Variants in SOX6 observed in about 807,000 individuals in gnomAD.
SOX6 encodes the protein SRY-box transcription factor 6, also known as transcription factor SOX-6.
In SOX6, 11 loss-of-function variants were observed where a neutral mutation model predicts 97.8. That is an observed-to-expected ratio of 0.11 (90% CI 0.07 to 0.19). The LOEUF (loss-of-function observed/expected upper bound fraction) is 0.19. Among genes scored for constraint, SOX6 ranks in the 10% least tolerant of loss-of-function variants. SOX6 has a pLI of 1.00. For missense variants in SOX6, 810 were observed against 1,039.5 expected, an observed-to-expected ratio of 0.78 and a Z score of 3.04; for synonymous variants, 360 against 371.4, an observed-to-expected ratio of 0.97 and a Z score of 0.35.
At chr11:16,125,860 AAG>A (rs1321509487) in intron 6 of SOX6, among the ~76,000 whole-genome samples, 3 of 151,468 alleles carry the variant, frequency 2.0e-5, no homozygotes, top group African/African-American at 7.3e-5. Flanking sequence ...GGAAGGAAGG[AAG>A]GAAGGAAGGA....
At chr11:16,294,025 A>G (rs1011493083) in intron 3 of SOX6, among the ~76,000 whole-genome samples, 4 of 152,108 alleles carry the variant, frequency 2.6e-5, no homozygotes, top group African/African-American at 9.7e-5. Context: ...ATCAATTAAA[A>G]AAAAAGCTCC....
intron 3 of SOX6, among the ~76,000 whole-genome samples, chr11:16,250,537 A>G (rs1397561587): frequency 1.3e-5 from 2 of 152,180 alleles, no homozygotes; most frequent in Admixed American, 1.3e-4. Flanking sequence ...AAGTGGGGTT[A>G]TATCATGTAA....
intron 6 of SOX6, among the ~76,000 whole-genome samples, chr11:16,182,658 G>C (rs2134100205): frequency 6.6e-6 from 1 of 151,926 alleles, no homozygotes; most frequent in South Asian, 2.1e-4. Flanking sequence ...ATGTGTACTT[G>C]AATATGGAAT....
At chr11:16,365,522 T>C (rs1394401954) in intron 1 of SOX6, among the ~76,000 whole-genome samples, 1 of 152,094 alleles carries the variant, frequency 6.6e-6, no homozygotes, top group Non-Finnish European at 1.5e-5. Context: ...AATTAGATGT[T>C]AATTAACCAG....
chr11:16,317,889 C>A, intron 3 of SOX6: 1 of 432,068 alleles, frequency 2.3e-6, no homozygotes, highest in Non-Finnish European at 4.6e-6. Flanking sequence ...TGAGTGAACT[C>A]TTGTACAGAG....
intron 4 of SOX6, chr11:16,612,000 C>G (rs1848403977): frequency 6.6e-6 from 1 of 152,646 alleles, no homozygotes; most frequent in Admixed American, 6.5e-5. Context: ...AAATGCGCTT[C>G]TGCTGTCTAA....
At chr11:16,104,057 T>C (rs894139262) in intron 7 of SOX6, among the ~76,000 whole-genome samples, 1 of 151,956 alleles carries the variant, frequency 6.6e-6, no homozygotes, top group South Asian at 2.1e-4. Context: ...TCATCAATGA[T>C]ATAGCCTCCA....
At chr11:16,345,604 T>C (rs1856756058) in intron 1 of SOX6, among the ~76,000 whole-genome samples, 1 of 152,090 alleles carries the variant, frequency 6.6e-6, no homozygotes, top group African/African-American at 2.4e-5. Context: ...ACAGTAAATT[T>C]ATTTTCTGTT....
At chr11:16,213,372 G>A (rs1561259) in intron 4 of SOX6, among the ~76,000 whole-genome samples, 1 of 151,756 alleles carries the variant, frequency 6.6e-6, no homozygotes, top group African/African-American at 2.4e-5. Flanking sequence ...TCTGTCTGCC[G>A]CACCCTGTCT....
At position 15,968,359 on chromosome 11, in the gene SOX6, T is replaced by G. The variant is rs1235178521; in HGVS notation, c.*4450A>C. 3 of 152,228 alleles carry G rather than the reference T, an allele frequency of 2.0e-5. No individual in the cohort carries two copies. The highest frequency in any genetic ancestry group is 7.2e-5 in the African/African-American group (3 of 41,470). The allele number at this position is 152,228 out of a possible 1,614,324, so 9.4% of individuals were successfully genotyped here. A position where few individuals can be genotyped will look rare whatever the true frequency, so the allele number is the denominator to read the frequency against. ...AATACATTCCTCTAGCTGCATTTCTTTGCAGTTGTTGGCACTTGGTACAGG... is the reference window on the plus strand; with the variant it reads ...AATACATTCCTCTAGCTGCATTTCTGTGCAGTTGTTGGCACTTGGTACAGG... On this transcript the variant is annotated 3_prime_UTR_variant, in exon 16 of 16. Coordinates refer to ENST00000683767, the MANE Select transcript of SOX6 (RefSeq NM_001367873.1).
chr11:16,095,259 C>G (rs1297883069), intron 9 of SOX6, among the ~76,000 whole-genome samples: 1 of 151,532 alleles, frequency 6.6e-6, no homozygotes, highest in South Asian at 2.1e-4. Flanking sequence ...CCCGGTGAGG[C>G]AGAAAAGGAA....
chr11:16,125,223 T>A (rs1031507274), intron 6 of SOX6, among the ~76,000 whole-genome samples: 3 of 152,082 alleles, frequency 2.0e-5, no homozygotes, highest in African/African-American at 7.2e-5. Flanking sequence ...GATACATTAC[T>A]GTGATTCTTT....
At chr11:16,377,690 A>T (rs542473903) in intron 1 of SOX6, among the ~76,000 whole-genome samples, 2 of 152,304 alleles carry the variant, frequency 1.3e-5, no homozygotes, top group South Asian at 4.1e-4. Flanking sequence ...GGAGAATAAC[A>T]TTTCCATTGA....
At position 15,984,679 on chromosome 11, in the gene SOX6, T is replaced by C. The variant is rs145961389; in HGVS notation, c.2183+1525A>G. Among the ~76,000 whole-genome samples the C allele has an allele frequency of 8.1e-4, 124 of 152,324 alleles. No homozygotes were observed. In the Middle Eastern group the frequency reaches 0.014, roughly 17 times the overall value. On this transcript the variant is annotated intron_variant, in intron 15 of 15. Transcript: ENST00000683767. ...AATACAGAGGAATTTGATAATCCTA[T>C]TTTGTCATGTCTTCATTTATTAACA...
At chr11:16,517,405 G>A (rs903669037) in intron 4 of SOX6, among the ~76,000 whole-genome samples, 12 of 151,942 alleles carry the variant, frequency 7.9e-5, no homozygotes, top group East Asian at 1.9e-4. Context: ...GTTTGCAGAC[G>A]ACATGATTGT....
intron 3 of SOX6, among the ~76,000 whole-genome samples, chr11:16,237,106 T>C (rs1853047273): frequency 6.6e-6 from 1 of 151,998 alleles, no homozygotes; most frequent in Admixed American, 6.6e-5. Flanking sequence ...TACAAGCTTA[T>C]CAATGTTTAA....
chr11:16,172,332 CTCTT>C (rs1471078420), intron 6 of SOX6, among the ~76,000 whole-genome samples: 1 of 152,098 alleles, frequency 6.6e-6, no homozygotes, highest in East Asian at 1.9e-4. Flanking sequence ...GTTTGTGTCA[CTCTT>C]TCCATTATAT....
rs1564972148 is a variant in SOX6, at chr11:16,132,382, GAAAGAAAGAAAGAAAGAAAAA to G, written c.778-20480_778-20460del. On this transcript the variant is annotated intron_variant, in intron 6 of 15. Transcript: ENST00000683767. ...AGAAAGAAAGAAAGAAAGAAAGAAAGAAAGAAAGAAAGAAAGAAAAAAGAAAGAAAGAAAGAAAGAAAGAAA... is the reference window on the plus strand; with the variant it reads ...AGAAAGAAAGAAAGAAAGAAAGAAAGAGAAAGAAAGAAAGAAAGAAAGAAA... Among the ~76,000 whole-genome samples the G allele has an allele frequency of 3.3e-4, 28 of 84,454 alleles. 1 individual carries two copies. Among genetic ancestry groups the G allele is most frequent in the East Asian group, 9.9e-4 (2 of 2,026 alleles). 55.4% of individuals were successfully genotyped at this position (84,454 alleles called of 152,430 possible). A position where few individuals can be genotyped will look rare whatever the true frequency, so the allele number is the denominator to read the frequency against.
chr11:16,497,658 T>C (rs1860624775), intron 4 of SOX6, among the ~76,000 whole-genome samples: 1 of 152,134 alleles, frequency 6.6e-6, no homozygotes, highest in Non-Finnish European at 1.5e-5. Flanking sequence ...GCATGAGAAC[T>C]ACGTGACGAA....
Sources: gnomAD v4.1 joint callset for allele counts (sites outside exome capture counted in the v4.1 genomes callset) on GRCh38, gnomAD v4.1.1 for gene constraint, MANE v1.5 for transcripts, NCBI Gene and HGNC (gene_info 2026-07-23, HGNC 2026-07-21) for gene names.